DYNC2I1: variants seen among roughly 807,000 people sequenced by gnomAD.
DYNC2I1 encodes the protein cytoplasmic dynein 2 intermediate chain 1.
DYNC2I1 carries 89 observed loss-of-function variants against 133.4 expected under a neutral mutation model. The observed-to-expected ratio is 0.67, with a 90% confidence interval of 0.56 to 0.80. The LOEUF (loss-of-function observed/expected upper bound fraction) is 0.80, where lower values mean the gene tolerates loss of function less well. Among genes scored for constraint, DYNC2I1 ranks in the 30% least tolerant of loss-of-function variants. The pLI, the probability that DYNC2I1 is intolerant of heterozygous loss-of-function variation, is 0.00. For synonymous variants in DYNC2I1, 504 were observed against 484.3 expected (o/e 1.04, Z -0.54); for missense variants, 1,291 against 1,314.5 (o/e 0.98, Z 0.28).
chr7:158,858,285 C>G lies in DYNC2I1; in HGVS notation c.15+1535C>G, dbSNP rs1003432611. ...TATAGGTTGATTTTAAAAATGAAAA[C>G]CAATAAACACTATAACATCATGGTT... On this transcript the variant is annotated intron_variant, in intron 1 of 24. Coordinates refer to ENST00000407559, the MANE Select transcript of DYNC2I1 (RefSeq NM_018051.5). 2.6e-5 allele frequency among the ~76,000 whole-genome samples: 4 copies of G among 152,246 alleles called. No individual in the cohort carries two copies. In the East Asian group the frequency reaches 7.7e-4, roughly 29 times the overall value.
chr7:158,906,349 C>T (rs531942714), intron 11 of DYNC2I1, among the ~76,000 whole-genome samples: 42 of 151,620 alleles, frequency 2.8e-4, no homozygotes, highest in Non-Finnish European at 4.7e-4. Context: ...GGGAGTAAAT[C>T]GAGAAATTTG....
intron 5 of DYNC2I1, 86 bp downstream of exon 5, chr7:158,880,075 A>G (rs1843843689): frequency 6.8e-7 from 1 of 1,475,516 alleles, no homozygotes; most frequent in Non-Finnish European, 9.1e-7. Flanking sequence ...GTCGCCAGAC[A>G]AGGTTGAGAT....
chr7:158,915,363 A>G (rs1847983397), intron 14 of DYNC2I1, among the ~76,000 whole-genome samples: 7 of 114,338 alleles, frequency 6.1e-5, no homozygotes, highest in African/African-American at 1.5e-4. Context: ...GCTGGTTGAC[A>G]TTAAGGATGA....
rs767900779 is a variant in DYNC2I1, at chr7:158,926,296, A to G, written c.2367A>G (p.Gln789=). 1.2e-6 allele frequency: 2 copies of G among 1,610,942 alleles called. No individual in the cohort carries two copies. Among genetic ancestry groups the G allele is most frequent in the East Asian group, 4.5e-5 (2 of 44,834 alleles). Residue 789 remains glutamine (Q), a synonymous_variant, in exon 18 of 25, where the codon CAA becomes CAG. Transcript: ENST00000407559. ...QSFVLSPFST[Q]EEMSGLSFHI... Reference sequence around the variant, plus strand: ...TTGTGCTTTCACCCTTTTCTACTCAAGAAGGTACGTGATTCTTCACTTTCT... The same window carrying G: ...TTGTGCTTTCACCCTTTTCTACTCAGGAAGGTACGTGATTCTTCACTTTCT...
At chr7:158,901,152 C>T (rs781590071) in intron 8 of DYNC2I1, among the ~76,000 whole-genome samples, 4 of 152,234 alleles carry the variant, frequency 2.6e-5, no homozygotes, top group South Asian at 2.1e-4. Context: ...CTCACTGCAA[C>T]GTCTGCCTCC....
intron 21 of DYNC2I1, 59 bp from the exon 22 acceptor site, chr7:158,934,070 T>C: frequency 8.4e-7 from 1 of 1,186,574 alleles, no homozygotes; most frequent in South Asian, 1.3e-5. Context: ...GTTAATACCA[T>C]CATTATTCTT....
chr7:158,951,872 A>C (rs1004182916), intron 4 of DYNC2I1, among the ~76,000 whole-genome samples: 3 of 152,038 alleles, frequency 2.0e-5, no homozygotes, highest in Admixed American at 2.0e-4. Flanking sequence ...GCCTCGGGGG[A>C]CGTGAGGGCT....
At chr7:158,855,442 G>T (rs992506552), upstream of DYNC2I1, among the ~76,000 whole-genome samples, 6 of 152,170 alleles carry the variant, frequency 3.9e-5, no homozygotes, top group African/African-American at 1.4e-4. Context: ...TTTAGGGAGG[G>T]TCAGAATATT....
At position 158,856,582 on chromosome 7, in the gene DYNC2I1, G is replaced by C; in HGVS notation, c.-154G>C. The stretch of plus-strand genomic sequence containing the variant: ...TGGGAGAGGCCGCAGGGCACGCTGG[G>C]CAGTGCTTCTGGGCCCTCTGCTGCT... On this transcript the variant is annotated 5_prime_UTR_variant, in exon 1 of 25. Transcript: ENST00000407559. 1 of 732,534 alleles carries C rather than the reference G, an allele frequency of 1.4e-6. No individual in the cohort carries two copies. The allele number at this position is 732,534 out of a possible 1,614,324, so 45.4% of individuals were successfully genotyped here.
chr7:158,934,261 C>T, intron 22 of DYNC2I1, 33 bp downstream of exon 22: 2 of 1,573,206 alleles, frequency 1.3e-6, no homozygotes, highest in Non-Finnish European at 1.7e-6. Flanking sequence ...TCCTATTACT[C>T]ATTCTCCTTG....
chr7:158,909,937 G>A (rs1277381902), intron 11 of DYNC2I1, among the ~76,000 whole-genome samples: 3 of 152,158 alleles, frequency 2.0e-5, no homozygotes, highest in African/African-American at 7.2e-5. Flanking sequence ...AGACCTGGAG[G>A]AGTGTGAGGT....
At chr7:158,953,354 A>G (rs937735770) in intron 4 of DYNC2I1, among the ~76,000 whole-genome samples, 1 of 152,188 alleles carries the variant, frequency 6.6e-6, no homozygotes, top group African/African-American at 2.4e-5. Context: ...TCTAAAGTCT[A>G]AAGTCACTTG....
At chr7:158,902,319 G>A in intron 9 of DYNC2I1, 57 bp from the exon 10 acceptor site, 1 of 1,436,922 alleles carries the variant, frequency 7.0e-7, no homozygotes, top group Non-Finnish European at 9.7e-7. Flanking sequence ...TCAGTATGAG[G>A]GATAATTGAA....
At position 158,926,982 on chromosome 7, in the gene DYNC2I1, C is replaced by G. The variant is rs748650841; in HGVS notation, c.2434-10C>G. Reference sequence around the variant, plus strand: ...TGTATCAATATTCATTTTCAATATTCTGTTTTTAGGTGGTTGTTGAATTAC... The same window carrying G: ...TGTATCAATATTCATTTTCAATATTGTGTTTTTAGGTGGTTGTTGAATTAC... On this transcript the variant is annotated splice_polypyrimidine_tract_variant and intron_variant, in intron 19 of 24. Coordinates refer to ENST00000407559, the MANE Select transcript of DYNC2I1 (RefSeq NM_018051.5). 7.5e-6 allele frequency: 12 copies of G among 1,589,774 alleles called. No individual in the cohort carries two copies.
At chr7:158,943,373 C>T (rs767540741) in intron 24 of DYNC2I1, among the ~76,000 whole-genome samples, 1 of 152,192 alleles carries the variant, frequency 6.6e-6, no homozygotes, top group Non-Finnish European at 1.5e-5. Context: ...AGATCTCTCC[C>T]TCCCTGGTGG....
intron 1 of DYNC2I1, among the ~76,000 whole-genome samples, chr7:158,859,728 G>A (rs1841706001): frequency 6.6e-6 from 1 of 152,032 alleles, no homozygotes; most frequent in African/African-American, 2.4e-5. Flanking sequence ...GTCTTGATCC[G>A]CCCACCTCGG....
chr7:158,850,481 T>A, the DYNC2I1 span, among the ~76,000 whole-genome samples: 11 of 152,326 alleles, frequency 7.2e-5, no homozygotes, highest in South Asian at 2.1e-3. Context: ...CTCCACGCAG[T>A]GTGCAGCCCC....
intron 1 of DYNC2I1, among the ~76,000 whole-genome samples, chr7:158,859,485 C>A (rs1425576713): frequency 6.6e-6 from 1 of 151,952 alleles, no homozygotes; most frequent in Non-Finnish European, 1.5e-5. Flanking sequence ...GGGTTTTATT[C>A]TGATACATAT....
intron 9 of DYNC2I1, 96 bp from the exon 10 acceptor site, chr7:158,902,280 G>A (rs945139464): frequency 1.7e-5 from 17 of 1,023,870 alleles, no homozygotes; most frequent in Non-Finnish European, 2.3e-5. Flanking sequence ...GACATTGTCT[G>A]TTTTAAGTTA....
Sources: gnomAD v4.1 joint callset for allele counts (sites outside exome capture counted in the v4.1 genomes callset) on GRCh38, gnomAD v4.1.1 for gene constraint, MANE v1.5 for transcripts, NCBI Gene and HGNC (gene_info 2026-07-23, HGNC 2026-07-21) for gene names.